The following SLC22A15 variants were observed in gnomAD, a reference collection of about 807,000 sequenced individuals.
The protein encoded by SLC22A15 is flipt 1.
SLC22A15 carries 45 observed loss-of-function variants against 62.7 expected under a neutral mutation model. That is an observed-to-expected ratio of 0.72 (90% CI 0.56 to 0.92). The LOEUF is 0.92. SLC22A15 is among the 40% of genes least tolerant of loss of function. The pLI is 0.00. For synonymous variants in SLC22A15, 264 were observed against 267.0 expected (o/e 0.99, Z 0.11); for missense variants, 622 against 665.6 (o/e 0.93, Z 0.72).
At chr1:115,985,961 A>G (rs900579739) in intron 1 of SLC22A15, among the ~76,000 whole-genome samples, 1 of 151,554 alleles carries the variant, frequency 6.6e-6, no homozygotes, top group Non-Finnish European at 1.5e-5. Context: ...AAAAAAAAAA[A>G]AAGAGAGAGA....
chr1:116,016,356 A>C (rs1656526248), intron 2 of SLC22A15, among the ~76,000 whole-genome samples: 1 of 152,038 alleles, frequency 6.6e-6, no homozygotes, highest in Non-Finnish European at 1.5e-5. Flanking sequence ...CCTCCAGAGT[A>C]GCTGGGACTA....
chr1:115,977,162 T>C (rs567123777), intron 1 of SLC22A15, among the ~76,000 whole-genome samples: 28 of 152,202 alleles, frequency 1.8e-4, no homozygotes, highest in Non-Finnish European at 3.5e-4. Flanking sequence ...AGGTTGTGTC[T>C]AGGATCGCCT....
chr1:116,058,540 C>A (rs1236943069), intron 8 of SLC22A15, among the ~76,000 whole-genome samples: 3 of 152,154 alleles, frequency 2.0e-5, no homozygotes, highest in Admixed American at 2.0e-4. Context: ...AGTACAGCCA[C>A]TATGGAAAAC....
Position 115,976,553 on chromosome 1 carries a change from G to T in SLC22A15, c.-75G>T. On this transcript the variant is annotated 5_prime_UTR_variant, in exon 1 of 12. In the 5' UTR this introduces an upstream ATG that the reference lacks. Coordinates refer to ENST00000369503, the MANE Select transcript of SLC22A15 (RefSeq NM_018420.3). Reference sequence around the variant, plus strand: ...GGTCCAAGCCGGTGCCGGGCGCCCAGGGGTTGCCGCGCTGGGCGGGAGGGC... The same window carrying T: ...GGTCCAAGCCGGTGCCGGGCGCCCATGGGTTGCCGCGCTGGGCGGGAGGGC... 1 of 1,182,762 alleles carries T rather than the reference G, an allele frequency of 8.5e-7. No individual in the cohort carries two copies. The highest frequency in any genetic ancestry group is 1.2e-6 in the Non-Finnish European group (1 of 854,622). The allele number at this position is 1,182,762 out of a possible 1,614,324, so 73.3% of individuals were successfully genotyped here. A position where few individuals can be genotyped will look rare whatever the true frequency, so the allele number is the denominator to read the frequency against.
chr1:116,026,436 G>A (rs986737595), intron 4 of SLC22A15, among the ~76,000 whole-genome samples: 8 of 151,282 alleles, frequency 5.3e-5, no homozygotes, highest in African/African-American at 1.9e-4. Context: ...AAAAAAAAAA[G>A]GGAAGGAAGG....
At chr1:116,027,587 A>T (rs892891221) in intron 5 of SLC22A15, among the ~76,000 whole-genome samples, 5 of 151,942 alleles carry the variant, frequency 3.3e-5, no homozygotes, top group Admixed American at 2.0e-4. Context: ...TGGCCCTCTA[A>T]GACACATAGA....
chr1:116,016,719 C>A (rs556011511), intron 2 of SLC22A15, among the ~76,000 whole-genome samples: 2 of 152,124 alleles, frequency 1.3e-5, no homozygotes, highest in Non-Finnish European at 2.9e-5. Context: ...TCACAACCAC[C>A]CAGAGAGTGG....
intron 3 of SLC22A15, 22 bp from the exon 4 acceptor site, chr1:116,020,699 G>T: frequency 6.3e-7 from 1 of 1,587,482 alleles, no homozygotes; most frequent in South Asian, 1.1e-5. Context: ...CTGGATTATT[G>T]AATATTGTTT....
chr1:116,000,501 G>T (rs1432531267), intron 2 of SLC22A15, among the ~76,000 whole-genome samples: 1 of 151,328 alleles, frequency 6.6e-6, no homozygotes, highest in Non-Finnish European at 1.5e-5. Flanking sequence ...TCGTCTCTTA[G>T]TCTTCCTATT....
chr1:116,063,200 C>T (rs1029687604), intron 9 of SLC22A15, among the ~76,000 whole-genome samples: 4 of 152,204 alleles, frequency 2.6e-5, no homozygotes, highest in African/African-American at 9.6e-5. Context: ...TTCAGTCACC[C>T]ATCCTGCATC....
At chr1:116,037,179 T>A in intron 7 of SLC22A15, 124 bp from the exon 8 acceptor site, 1 of 782,238 alleles carries the variant, frequency 1.3e-6, no homozygotes. Context: ...CATTTGCCAC[T>A]TAGCCTTAAG....
At chr1:116,053,104 C>T (rs1453711472) in intron 8 of SLC22A15, among the ~76,000 whole-genome samples, 1 of 152,184 alleles carries the variant, frequency 6.6e-6, no homozygotes, top group Admixed American at 6.5e-5. Context: ...TCAAACTACT[C>T]TGAGCTACAG....
intron 2 of SLC22A15, among the ~76,000 whole-genome samples, chr1:116,012,325 G>A (rs1656312868): frequency 1.3e-5 from 2 of 152,088 alleles, no homozygotes; most frequent in Admixed American, 1.3e-4. Context: ...GGTCCTTCTT[G>A]CTCTTTGGTC....
At chr1:116,047,337 G>A (rs1657951910) in intron 8 of SLC22A15, among the ~76,000 whole-genome samples, 1 of 152,198 alleles carries the variant, frequency 6.6e-6, no homozygotes, top group African/African-American at 2.4e-5. Flanking sequence ...TGAGGCAGAA[G>A]AATCGCTTGA....
chr1:115,982,586 G>C (rs374750676), intron 1 of SLC22A15, among the ~76,000 whole-genome samples: 2 of 152,088 alleles, frequency 1.3e-5, no homozygotes, highest in South Asian at 2.1e-4. Context: ...CATATGTTAT[G>C]CTTCCTCTTT....
chr1:115,982,684 CTTCT>C (rs1654668315), intron 1 of SLC22A15, among the ~76,000 whole-genome samples: 1 of 152,202 alleles, frequency 6.6e-6, no homozygotes, highest in Non-Finnish European at 1.5e-5. Context: ...GTTTATCAGT[CTTCT>C]CAAGCCCAGA....
chr1:116,060,430 T>C (rs74111156), intron 8 of SLC22A15, among the ~76,000 whole-genome samples: 20,002 of 152,174 alleles, frequency 0.13, 1,752 homozygotes, highest in African/African-American at 0.24. Context: ...GAAAACTTCA[T>C]CTAGCTTTGG....
At chr1:115,993,850 C>T (rs1384236013) in intron 2 of SLC22A15, among the ~76,000 whole-genome samples, 1 of 152,100 alleles carries the variant, frequency 6.6e-6, no homozygotes, top group East Asian at 1.9e-4. Context: ...CTGCTCTCAC[C>T]CCTATGGAAA....
At chr1:115,998,585 C>T (rs926699062) in intron 2 of SLC22A15, among the ~76,000 whole-genome samples, 1 of 152,076 alleles carries the variant, frequency 6.6e-6, no homozygotes, top group Non-Finnish European at 1.5e-5. Context: ...TATAGTTGCT[C>T]ATAGTAGCCT....
Sources: gnomAD v4.1 joint callset for allele counts (sites outside exome capture counted in the v4.1 genomes callset) on GRCh38, gnomAD v4.1.1 for gene constraint, MANE v1.5 for transcripts, NCBI Gene and HGNC (gene_info 2026-07-23, HGNC 2026-07-21) for gene names.